The following GAS2 variants were observed in gnomAD, a reference collection of about 807,000 sequenced individuals.
GAS2 encodes the protein growth arrest-specific protein 2.
Under a neutral mutation model 37.5 loss-of-function variants are expected in GAS2, and 20 were observed. The observed-to-expected ratio is 0.53, with a 90% CI of 0.37 to 0.77. GAS2 has a LOEUF of 0.77. GAS2 is among the 30% of genes least tolerant of loss of function. The pLI is 0.00. For synonymous variants in GAS2, 144 were observed against 132.2 expected (o/e 1.09, Z -0.61); for missense variants, 336 against 373.4 (o/e 0.90, Z 0.82).
At chr11:22,789,423 G>A (rs1856005413) in intron 7 of GAS2, among the ~76,000 whole-genome samples, 2 of 71,164 alleles carry the variant, frequency 2.8e-5, no homozygotes, top group African/African-American at 1.2e-4. Context: ...TATCTCATAT[G>A]AGATATATAT....
intron 1 of GAS2, among the ~76,000 whole-genome samples, chr11:22,636,692 T>C (rs1858826454): frequency 6.6e-6 from 1 of 152,052 alleles, no homozygotes. Flanking sequence ...GTGAAAACTT[T>C]TATGACTTTC....
chr11:22,657,524 G>A (rs894465767), intron 1 of GAS2, among the ~76,000 whole-genome samples: 5 of 151,544 alleles, frequency 3.3e-5, no homozygotes, highest in Admixed American at 6.6e-5. Flanking sequence ...TTGTTCCTGC[G>A]TGTGTGTGTG....
At chr11:22,809,648 C>T (rs1330919752) in intron 7 of GAS2, among the ~76,000 whole-genome samples, 3 of 148,552 alleles carry the variant, frequency 2.0e-5, no homozygotes, top group African/African-American at 7.4e-5. Flanking sequence ...CCACCATGCC[C>T]AGCTAATTTT....
intron 1 of GAS2, among the ~76,000 whole-genome samples, chr11:22,642,235 C>T (rs891513276): frequency 2.0e-5 from 3 of 152,076 alleles, no homozygotes; most frequent in African/African-American, 7.2e-5. Flanking sequence ...AAAATGATGG[C>T]TCTCTACAAC....
At chr11:22,716,465 C>A (rs527304001) in intron 3 of GAS2, among the ~76,000 whole-genome samples, 1 of 152,004 alleles carries the variant, frequency 6.6e-6, no homozygotes, top group African/African-American at 2.4e-5. Context: ...CATGGTGAAA[C>A]ATTGTCTCAA....
intron 2 of GAS2, among the ~76,000 whole-genome samples, chr11:22,680,582 C>A (rs570640175): frequency 1.3e-5 from 2 of 152,156 alleles, no homozygotes; most frequent in South Asian, 4.1e-4. Flanking sequence ...TAAAAATATA[C>A]CAACTTTCTT....
chr11:22,766,990 G>A (rs1391773561), intron 7 of GAS2, among the ~76,000 whole-genome samples: 11 of 152,114 alleles, frequency 7.2e-5, no homozygotes, highest in Admixed American at 6.6e-5. Context: ...CGTTGGCATA[G>A]CAACTAATGC....
At chr11:22,702,985 A>G (rs1244451682) in intron 3 of GAS2, among the ~76,000 whole-genome samples, 2 of 152,196 alleles carry the variant, frequency 1.3e-5, no homozygotes, top group Non-Finnish European at 2.9e-5. Flanking sequence ...TTGGTAGTGT[A>G]AATAACAGTT....
Position 22,726,338 on chromosome 11 carries a change from G to A in GAS2, c.314G>A (p.Gly105Asp). 1 of 1,612,560 alleles carries A rather than the reference G, an allele frequency of 6.2e-7. No homozygotes were observed. The highest frequency in any genetic ancestry group is 8.5e-7 in the Non-Finnish European group (1 of 1,179,326). Residue 105 changes from glycine (G) to aspartate (D), a missense_variant, in exon 4 of 8, where the codon GGC becomes GAC. Transcript: ENST00000454584. ...CCATGCAAAACCAGTGCACCCTCGGGCTCCTTTTTTGCCAGAGACAATACA... is the reference window on the plus strand; with the variant it reads ...CCATGCAAAACCAGTGCACCCTCGGACTCCTTTTTTGCCAGAGACAATACA... ...KIPCKTSAPS[G>D]SFFARDNTAN...
At chr11:22,789,678 A>G (rs1190407170) in intron 7 of GAS2, among the ~76,000 whole-genome samples, 11 of 150,522 alleles carry the variant, frequency 7.3e-5, no homozygotes, top group Admixed American at 5.3e-4. Flanking sequence ...CGTTAACCAG[A>G]ATGGTCGCGA....
intron 3 of GAS2, among the ~76,000 whole-genome samples, chr11:22,723,554 C>CA (rs983217061): frequency 7.2e-5 from 11 of 151,894 alleles, no homozygotes; most frequent in African/African-American, 2.4e-4. Context: ...TTCTTCAGTG[C>CA]AAAATGGATA....
At chr11:22,676,732 T>C (rs1378839025) in intron 2 of GAS2, among the ~76,000 whole-genome samples, 2 of 151,808 alleles carry the variant, frequency 1.3e-5, no homozygotes, top group Non-Finnish European at 2.9e-5. Context: ...TTATTCTTTT[T>C]TTCAACAAAC....
chr11:22,665,128 C>T (rs1246182238), upstream of GAS2, among the ~76,000 whole-genome samples: 2 of 152,066 alleles, frequency 1.3e-5, no homozygotes, highest in Non-Finnish European at 1.5e-5. Flanking sequence ...GTTCCTGAAT[C>T]AACAAAAACA....
At chr11:22,702,875 G>T (rs1850918579) in intron 3 of GAS2, among the ~76,000 whole-genome samples, 1 of 152,126 alleles carries the variant, frequency 6.6e-6, no homozygotes, top group Admixed American at 6.6e-5. Flanking sequence ...CTAGAAATTT[G>T]TCTAGATTCC....
chr11:22,726,279 C>G lies in GAS2; in HGVS notation c.268-13C>G, dbSNP rs1412529529. The G allele has an allele frequency of 6.3e-7, 1 of 1,583,348 alleles. No individual in the cohort carries two copies. Among genetic ancestry groups the G allele is most frequent in the Non-Finnish European group, 8.5e-7 (1 of 1,172,160 alleles). On this transcript the variant is annotated splice_polypyrimidine_tract_variant and intron_variant, in intron 3 of 7. Coordinates refer to ENST00000454584, the MANE Select transcript of GAS2 (RefSeq NM_001143830.3). ...GACAGATTTCTCCTAGAACGAATTT[C>G]TTTATTTTTCAGAATCTACCGTTGA...
Position 22,714,898 on chromosome 11 carries a change from A to G in GAS2, c.268-11394A>G, listed in dbSNP as rs897460054. On this transcript the variant is annotated intron_variant, in intron 3 of 7. Transcript: ENST00000454584. Reference sequence around the variant, plus strand: ...GGAAAGTTCATAGCATTAAATGCCTACATCAAAAAGTCTGAAAGAACACAA... The same window carrying G: ...GGAAAGTTCATAGCATTAAATGCCTGCATCAAAAAGTCTGAAAGAACACAA... 3.9e-5 allele frequency among the ~76,000 whole-genome samples: 6 copies of G among 152,192 alleles called. No homozygotes were observed. The East Asian group carries it at 7.7e-4, about 20-fold the overall frequency.
chr11:22,810,355 C>G (rs1857094727), intron 7 of GAS2, among the ~76,000 whole-genome samples: 2 of 152,070 alleles, frequency 1.3e-5, no homozygotes, highest in Non-Finnish European at 2.9e-5. Context: ...TTGATACTAT[C>G]TGGGAGGCCT....
chr11:22,748,123 TA>T lies in GAS2; in HGVS notation c.474-989del, dbSNP rs558536409. ...GATAAAAAAGTAGATAATAGTAGAT[TA>T]AAAAAAACATGTTTTTAAATCTCCA... On this transcript the variant is annotated intron_variant, in intron 5 of 7. Coordinates refer to ENST00000454584, the MANE Select transcript of GAS2 (RefSeq NM_001143830.3). Among the ~76,000 whole-genome samples, 26 of 152,032 alleles carry T rather than the reference TA, an allele frequency of 1.7e-4. No homozygotes were observed. In the South Asian group the frequency reaches 2.7e-3, roughly 16 times the overall value.
chr11:22,715,682 G>C (rs1462101093), intron 3 of GAS2, among the ~76,000 whole-genome samples: 3 of 151,674 alleles, frequency 2.0e-5, no homozygotes, highest in African/African-American at 7.3e-5. Context: ...CCAATAACAA[G>C]TAGCAAGATT....
Sources: allele counts gnomAD v4.1 joint callset (sites outside exome capture counted in the v4.1 genomes callset), GRCh38; gene constraint gnomAD v4.1.1; transcripts MANE v1.5; gene names NCBI Gene and HGNC (gene_info 2026-07-23, HGNC 2026-07-21).